The following CSMD1 variants were observed in gnomAD, a reference collection of about 807,000 sequenced individuals.
The protein encoded by CSMD1 is CUB and sushi domain-containing protein 1.
In CSMD1, 213 loss-of-function variants were observed where a neutral mutation model predicts 417.5. The observed-to-expected ratio is 0.51, with a 90% CI of 0.46 to 0.57. CSMD1 has a LOEUF of 0.57. CSMD1 is among the 20% of genes least tolerant of loss of function. CSMD1 has a pLI of 0.00. For synonymous variants in CSMD1, 2,862 were observed against 1,736.8 expected, an observed-to-expected ratio of 1.65 and a Z score of -16.11; for missense variants, 6,923 against 4,529.7, an observed-to-expected ratio of 1.53 and a Z score of -15.17.
At chr8:4,791,482 C>G (rs1797685972) in intron 1 of CSMD1, among the ~76,000 whole-genome samples, 1 of 152,118 alleles carries the variant, frequency 6.6e-6, no homozygotes, top group African/African-American at 2.4e-5. Context: ...ATTTTCTCAC[C>G]ACAGCGCTCA....
At chr8:3,068,595 G>C (rs1218145058) in intron 49 of CSMD1, among the ~76,000 whole-genome samples, 3 of 152,138 alleles carry the variant, frequency 2.0e-5, no homozygotes, top group African/African-American at 7.2e-5. Flanking sequence ...GGGAAACAAG[G>C]TGCTGGCATC....
chr8:3,367,002 G>A, intron 20 of CSMD1, 30 bp downstream of exon 20: 1 of 1,539,244 alleles, frequency 6.5e-7, no homozygotes, highest in South Asian at 1.1e-5. Context: ...TGTTGCCAGA[G>A]GAGAGAAACA....
At chr8:3,939,055 C>T (rs1446078671) in intron 5 of CSMD1, among the ~76,000 whole-genome samples, 1 of 151,868 alleles carries the variant, frequency 6.6e-6, no homozygotes, top group African/African-American at 2.4e-5. Context: ...AATTATTGAG[C>T]CAACAGTCTG....
At chr8:4,469,898 C>T (rs145515434) in intron 2 of CSMD1, among the ~76,000 whole-genome samples, 1,832 of 151,026 alleles carry the variant, frequency 0.012, 52 homozygotes, top group African/African-American at 0.042. Context: ...GACGGAGTGT[C>T]GCTCTGTCGC....
chr8:4,698,324 T>G (rs551438547), intron 1 of CSMD1, among the ~76,000 whole-genome samples: 75 of 152,238 alleles, frequency 4.9e-4, no homozygotes, highest in South Asian at 8.3e-4. Context: ...CAACGGCTCA[T>G]GGAACTTAAA....
chr8:3,646,671 G>A (rs1180198037), intron 7 of CSMD1, among the ~76,000 whole-genome samples: 1 of 152,158 alleles, frequency 6.6e-6, no homozygotes, highest in Non-Finnish European at 1.5e-5. Context: ...GCCAAGACTT[G>A]CATTGTTTCA....
intron 10 of CSMD1, among the ~76,000 whole-genome samples, chr8:3,494,137 A>G (rs907097373): frequency 2.6e-5 from 4 of 152,226 alleles, no homozygotes; most frequent in South Asian, 2.1e-4. Flanking sequence ...TTAAAGTTCT[A>G]TATGCATACT....
chr8:4,969,477 C>A (rs1252495035), intron 1 of CSMD1, among the ~76,000 whole-genome samples: 2 of 151,196 alleles, frequency 1.3e-5, no homozygotes, highest in African/African-American at 2.4e-5. Context: ...TTCATTCATT[C>A]TCTCTCTCTC....
At chr8:4,192,871 C>T (rs753292326) in intron 3 of CSMD1, among the ~76,000 whole-genome samples, 1 of 152,154 alleles carries the variant, frequency 6.6e-6, no homozygotes, top group Non-Finnish European at 1.5e-5. Flanking sequence ...TTCTGTCCTT[C>T]TAGGAACTTG....
intron 1 of CSMD1, among the ~76,000 whole-genome samples, chr8:4,824,547 T>C (rs555195968): frequency 6.6e-6 from 1 of 152,288 alleles, no homozygotes; most frequent in Non-Finnish European, 1.5e-5. Context: ...GTTCTATTAA[T>C]AATTACACCA....
At chr8:3,982,094 G>T (rs1353599046) in intron 5 of CSMD1, among the ~76,000 whole-genome samples, 1 of 151,406 alleles carries the variant, frequency 6.6e-6, no homozygotes, top group African/African-American at 2.4e-5. Context: ...GGAGGTGGAG[G>T]TTGCAGTGAG....
chr8:4,342,113 C>T (rs1326818345), intron 3 of CSMD1, among the ~76,000 whole-genome samples: 1 of 152,010 alleles, frequency 6.6e-6, no homozygotes, highest in East Asian at 1.9e-4. Context: ...ATGGTAACTC[C>T]ACAATCTCTA....
chr8:4,983,236 G>C (rs1364415622), intron 1 of CSMD1, among the ~76,000 whole-genome samples: 1 of 152,202 alleles, frequency 6.6e-6, no homozygotes. Context: ...CAGGCACAGT[G>C]ACTGGAAGAA....
intron 3 of CSMD1, among the ~76,000 whole-genome samples, chr8:4,295,555 G>T (rs1797629988): frequency 7.0e-6 from 1 of 141,930 alleles, no homozygotes; most frequent in Non-Finnish European, 1.5e-5. Context: ...ATAATCTTAA[G>T]ATTATATGTC....
At chr8:4,868,483 G>T (rs908849277) in intron 1 of CSMD1, among the ~76,000 whole-genome samples, 1 of 152,014 alleles carries the variant, frequency 6.6e-6, no homozygotes, top group Non-Finnish European at 1.5e-5. Flanking sequence ...TGATCCGCCT[G>T]CCTCGGTCTC....
intron 12 of CSMD1, among the ~76,000 whole-genome samples, chr8:3,459,931 G>A (rs1469234729): frequency 1.3e-5 from 2 of 152,148 alleles, no homozygotes; most frequent in Non-Finnish European, 2.9e-5. Flanking sequence ...CCATGATAAT[G>A]CTACAAAAAT....
intron 7 of CSMD1, among the ~76,000 whole-genome samples, chr8:3,635,181 G>A (rs563975162): frequency 6.6e-6 from 1 of 152,248 alleles, no homozygotes; most frequent in South Asian, 2.1e-4. Flanking sequence ...GTGCACTGCT[G>A]TAGAAACACT....
chr8:4,670,254 C>G (rs1805210872), intron 1 of CSMD1, among the ~76,000 whole-genome samples: 1 of 152,156 alleles, frequency 6.6e-6, no homozygotes, highest in Admixed American at 6.5e-5. Context: ...AGAGGCATGG[C>G]CTTTAGTCTC....
intron 2 of CSMD1, among the ~76,000 whole-genome samples, chr8:4,443,987 C>A (rs534626392): frequency 6.6e-6 from 1 of 152,002 alleles, no homozygotes. Context: ...TGAAAATGTA[C>A]AAACGGAGTA....
Sources: gnomAD v4.1 joint callset for allele counts (sites outside exome capture counted in the v4.1 genomes callset) on GRCh38, gnomAD v4.1.1 for gene constraint, MANE v1.5 for transcripts, NCBI Gene and HGNC (gene_info 2026-07-23, HGNC 2026-07-21) for gene names.